The following PTPRG variants were observed in gnomAD, a reference collection of about 807,000 sequenced individuals.
PTPRG encodes the protein protein tyrosine phosphatase receptor type G, also known as receptor-type tyrosine-protein phosphatase gamma.
PTPRG carries 102 observed loss-of-function variants against 165.3 expected under a neutral mutation model. That is an observed-to-expected ratio of 0.62 (90% CI 0.53 to 0.73). PTPRG has a LOEUF of 0.73. Ranked by LOEUF, PTPRG falls within the 30% of genes least tolerant of loss-of-function variation. The probability of loss-of-function intolerance (pLI) is 0.00; values close to 1 mark genes in which losing one functional copy is unlikely to be tolerated. For missense variants in PTPRG, 1,866 were observed against 1,861.4 expected, an observed-to-expected ratio of 1.00 and a Z score of -0.05; for synonymous variants, 675 against 669.5, an observed-to-expected ratio of 1.01 and a Z score of -0.13.
chr3:62,124,432 C>G, intron 5 of PTPRG: 1 of 1,613,920 alleles, frequency 6.2e-7, no homozygotes, highest in South Asian at 1.1e-5. Context: ...CCATCTTGCT[C>G]ACATTCTTGT....
intron 2 of PTPRG, among the ~76,000 whole-genome samples, chr3:61,861,865 A>G (rs1008645048): frequency 1.3e-5 from 2 of 152,212 alleles, no homozygotes; most frequent in African/African-American, 4.8e-5. Context: ...TGGTGGCGAA[A>G]TACTGCTGTT....
At chr3:62,287,193 C>T (rs1462885534) in intron 28 of PTPRG, among the ~76,000 whole-genome samples, 1 of 152,072 alleles carries the variant, frequency 6.6e-6, no homozygotes, top group East Asian at 1.9e-4. Flanking sequence ...AGGGGAGATT[C>T]TTAAGTTTAA....
chr3:62,036,779 G>T (rs908144085), intron 4 of PTPRG, among the ~76,000 whole-genome samples: 1 of 152,164 alleles, frequency 6.6e-6, no homozygotes, highest in Non-Finnish European at 1.5e-5. Flanking sequence ...TTCAAAACAA[G>T]CTAGAAGACA....
At chr3:61,707,817 C>T (rs1575601548) in intron 1 of PTPRG, among the ~76,000 whole-genome samples, 1 of 152,144 alleles carries the variant, frequency 6.6e-6, no homozygotes, top group African/African-American at 2.4e-5. Context: ...GAGACAGGGT[C>T]TCCCTTTGTT....
intron 2 of PTPRG, among the ~76,000 whole-genome samples, chr3:61,982,577 C>T (rs1299178292): frequency 2.0e-5 from 3 of 152,148 alleles, no homozygotes; most frequent in Non-Finnish European, 4.4e-5. Flanking sequence ...TACACCCATG[C>T]GGGCATCACT....
In PTPRG at chr3:62,254,735, AAAC is replaced by A. The variant is rs367760537; in HGVS notation, c.2468-371_2468-369del. ...ACTCCATTGAACAGCAATTAAAAAA[AAAC>A]AACAACAACAACAACAAAGAAAACC... On this transcript the variant is annotated intron_variant, in intron 15 of 29. Transcript: ENST00000474889. The surrounding 1 kb of genome is among the most constrained non-coding windows in gnomAD (Gnocchi z 4.6). Among the ~76,000 whole-genome samples the A allele has an allele frequency of 0.01, 1,596 of 152,124 alleles. 31 individuals are homozygous for A. The highest frequency in any genetic ancestry group is 0.036 in the African/African-American group (1,512 of 41,448).
intron 2 of PTPRG, among the ~76,000 whole-genome samples, chr3:61,931,148 T>C (rs1011164592): frequency 1.3e-5 from 2 of 152,206 alleles, no homozygotes; most frequent in African/African-American, 4.8e-5. Flanking sequence ...CTTCTCTGTT[T>C]GCTTTTGCTC....
intron 2 of PTPRG, among the ~76,000 whole-genome samples, chr3:61,809,254 G>A (rs1048458912): frequency 6.6e-6 from 1 of 151,192 alleles, no homozygotes; most frequent in South Asian, 2.1e-4. Flanking sequence ...TTGGAGTAAG[G>A]TATAATTATA....
intron 1 of PTPRG, among the ~76,000 whole-genome samples, chr3:61,696,078 T>A (rs938599260): frequency 6.6e-6 from 1 of 152,172 alleles, no homozygotes; most frequent in East Asian, 1.9e-4. Context: ...ACTTTGAGGG[T>A]GTTGTTATGA....
chr3:61,998,734 G>A (rs2041099944), intron 3 of PTPRG, among the ~76,000 whole-genome samples: 1 of 152,164 alleles, frequency 6.6e-6, no homozygotes, highest in South Asian at 2.1e-4. Context: ...TTCTTCTACT[G>A]TCTCCATCAT....
intron 2 of PTPRG, among the ~76,000 whole-genome samples, chr3:61,853,825 G>A (rs1015031193): frequency 6.6e-6 from 1 of 152,134 alleles, no homozygotes; most frequent in East Asian, 1.9e-4. Flanking sequence ...TGTGTTCTGG[G>A]GTGAGCTGTT....
Position 61,643,303 on chromosome 3 carries a change from G to A in PTPRG, c.85+80931G>A, listed in dbSNP as rs1702115668. On this transcript the variant is annotated intron_variant, in intron 1 of 29. Transcript: ENST00000474889. ...AGAGAGAGAGAGAGAGACAGAGACA[G>A]ACAGACAGAGACAGACATACCAACT... Among the ~76,000 whole-genome samples, 4 of 151,918 alleles carry A rather than the reference G, an allele frequency of 2.6e-5. No homozygotes were observed. In the Admixed American group the frequency reaches 2.6e-4, roughly 10 times the overall value.
At position 62,286,126 on chromosome 3, in the gene PTPRG, A is replaced by G. The variant is rs187640777; in HGVS notation, c.4055+3257A>G. ...AGGTCCTCAATAATTTTTTATTTTAATTTGGCCCTGAGATCAAAGAGTCTA... is the reference window on the plus strand; with the variant it reads ...AGGTCCTCAATAATTTTTTATTTTAGTTTGGCCCTGAGATCAAAGAGTCTA... On this transcript the variant is annotated intron_variant, in intron 28 of 29. Transcript: ENST00000474889. Among the ~76,000 whole-genome samples the G allele has an allele frequency of 6.6e-5, 10 of 152,268 alleles. No individual in the cohort carries two copies. The East Asian group carries it at 1.7e-3, about 26-fold the overall frequency.
chr3:61,729,877 T>C (rs762316369), intron 1 of PTPRG, among the ~76,000 whole-genome samples: 4 of 152,126 alleles, frequency 2.6e-5, no homozygotes, highest in Non-Finnish European at 5.9e-5. Context: ...GCTTTCATTA[T>C]CAGAAAAAGC....
intron 8 of PTPRG, among the ~76,000 whole-genome samples, chr3:62,186,509 G>T (rs1161809938): frequency 6.6e-6 from 1 of 151,866 alleles, no homozygotes; most frequent in Non-Finnish European, 1.5e-5. Context: ...GGAGGACACG[G>T]GTGGCCCATC....
chr3:62,280,786 C>T (rs1028909408), intron 26 of PTPRG, among the ~76,000 whole-genome samples: 8 of 151,928 alleles, frequency 5.3e-5, no homozygotes, highest in Non-Finnish European at 8.8e-5. Context: ...TATTAGCAAT[C>T]GCCAAGATAC....
At chr3:61,658,983 T>A (rs758328914) in intron 1 of PTPRG, among the ~76,000 whole-genome samples, 2 of 152,144 alleles carry the variant, frequency 1.3e-5, no homozygotes, top group African/African-American at 4.8e-5. Context: ...GAGGAAGTCT[T>A]TGGAAATTTT....
intron 5 of PTPRG, among the ~76,000 whole-genome samples, chr3:62,092,520 A>G (rs1228236774): frequency 6.6e-6 from 1 of 151,918 alleles, no homozygotes; most frequent in Non-Finnish European, 1.5e-5. Context: ...TCACAGAGAG[A>G]TAATGAATGA....
At chr3:61,913,651 T>C (rs1010935483) in intron 2 of PTPRG, among the ~76,000 whole-genome samples, 11 of 152,366 alleles carry the variant, frequency 7.2e-5, no homozygotes, top group African/African-American at 2.6e-4. Context: ...TGAGTTTCTT[T>C]ACGTCTTTTT....
Sources: gnomAD v4.1 joint callset for allele counts (sites outside exome capture counted in the v4.1 genomes callset) on GRCh38, gnomAD v4.1.1 for gene constraint, Gnocchi (gnomAD v3.1) non-coding constraint, MANE v1.5 for transcripts, NCBI Gene and HGNC (gene_info 2026-07-23, HGNC 2026-07-21) for gene names.